The following CTCF variants were observed in gnomAD, a reference collection of about 807,000 sequenced individuals.
CTCF encodes the protein transcriptional repressor CTCF.
CTCF carries 7 observed loss-of-function variants against 72.3 expected under a neutral mutation model. The ratio of observed to expected loss-of-function variants is 0.10; its 90% confidence interval spans 0.06 to 0.18. The LOEUF is 0.18. Ranked by LOEUF, CTCF falls within the 10% of genes least tolerant of loss-of-function variation. The pLI, the probability that CTCF is intolerant of heterozygous loss-of-function variation, is 1.00. For synonymous variants in CTCF, 374 were observed against 315.8 expected, an observed-to-expected ratio of 1.18 and a Z score of -1.95; for missense variants, 516 against 949.1, an observed-to-expected ratio of 0.54 and a Z score of 6.00.
intron 2 of CTCF, among the ~76,000 whole-genome samples, chr16:67,584,644 A>T (rs1317892336): frequency 4.6e-5 from 7 of 150,858 alleles, no homozygotes; most frequent in Non-Finnish European, 7.4e-5. Flanking sequence ...TTTTTTTTTT[A>T]AACTGTAAAG....
At chr16:67,592,764 C>T (rs1052934118) in intron 2 of CTCF, among the ~76,000 whole-genome samples, 1 of 151,172 alleles carries the variant, frequency 6.6e-6, no homozygotes, top group Admixed American at 6.6e-5. Flanking sequence ...ACTGGCTCAA[C>T]GTCAGTAATC....
chr16:67,576,454 C>T (rs1343499089), intron 2 of CTCF, among the ~76,000 whole-genome samples: 3 of 146,042 alleles, frequency 2.1e-5, no homozygotes, highest in African/African-American at 5.1e-5. Flanking sequence ...TACTTTTTTT[C>T]TTTTCTTAGA....
At chr16:67,583,684 C>T (rs1361316570) in intron 2 of CTCF, among the ~76,000 whole-genome samples, 1 of 148,034 alleles carries the variant, frequency 6.8e-6, no homozygotes, top group Non-Finnish European at 1.5e-5. Context: ...GAGTTTTGGT[C>T]TCAAAAAAAA....
At chr16:67,571,344 T>C (rs1201206104) in intron 2 of CTCF, 80 bp downstream of exon 2, 1 of 152,582 alleles carries the variant, frequency 6.6e-6, no homozygotes, top group East Asian at 1.9e-4. Flanking sequence ...TGTTGGCTAA[T>C]TCTTGAATAT....
intron 2 of CTCF, among the ~76,000 whole-genome samples, chr16:67,590,991 C>T (rs985735358): frequency 1.5e-5 from 2 of 130,640 alleles, no homozygotes; most frequent in Admixed American, 8.0e-5. Context: ...AAATGCTGGA[C>T]TGGGTGGCTC....
chr16:67,575,021 T>C (rs1296074710), intron 2 of CTCF, among the ~76,000 whole-genome samples: 2 of 152,224 alleles, frequency 1.3e-5, no homozygotes, highest in South Asian at 4.1e-4. Flanking sequence ...ATATTGCTCT[T>C]AACATAAGTG....
intron 4 of CTCF, among the ~76,000 whole-genome samples, chr16:67,613,202 T>C (rs1048058719): frequency 1.3e-5 from 2 of 152,228 alleles, no homozygotes; most frequent in Admixed American, 6.5e-5. Context: ...GTGTAGGAAG[T>C]TGGTTGCAAG....
In CTCF at chr16:67,621,288, A is replaced by G; in HGVS notation, c.1208-154A>G. On this transcript the variant is annotated intron_variant, in intron 6 of 11. Coordinates refer to ENST00000264010, the MANE Select transcript of CTCF (RefSeq NM_006565.4). Reference sequence around the variant, plus strand: ...GTTTAGGACTTGGCCATATCTGAAGATAGACAAGATCCGGGAACTGGGACT... The same window carrying G: ...GTTTAGGACTTGGCCATATCTGAAGGTAGACAAGATCCGGGAACTGGGACT... The G allele has an allele frequency of 5.1e-6, 3 of 589,112 alleles. No homozygotes were observed. The East Asian group carries it at 8.3e-5, about 16-fold the overall frequency. The allele number at this position is 589,112 out of a possible 1,614,324, so 36.5% of individuals were successfully genotyped here.
chr16:67,595,421 A>G (rs993560389), intron 2 of CTCF, among the ~76,000 whole-genome samples: 2 of 152,192 alleles, frequency 1.3e-5, no homozygotes, highest in Admixed American at 6.6e-5. Context: ...GAAATCCAGT[A>G]CTTTATCAGA....
intron 1 of CTCF, among the ~76,000 whole-genome samples, chr16:67,568,842 CTCTT>C (rs1008167915): frequency 1.9e-4 from 26 of 140,428 alleles, no homozygotes; most frequent in African/African-American, 8.0e-4. Flanking sequence ...TATTTGGAAA[CTCTT>C]TTTTTTTTTG....
intron 2 of CTCF, among the ~76,000 whole-genome samples, chr16:67,594,500 A>C (rs2051786194): frequency 6.6e-6 from 1 of 152,066 alleles, no homozygotes. Context: ...CAGGGGTTCG[A>C]GAACAGCCTG....
At chr16:67,637,607 G>A (rs1425247398) in intron 11 of CTCF, 81 bp from the exon 12 acceptor site, 10 of 1,177,620 alleles carry the variant, frequency 8.5e-6, no homozygotes, top group South Asian at 2.9e-5. Flanking sequence ...CTGACATCCC[G>A]TTCGCTGTCA....
chr16:67,628,405 C>G lies in CTCF; in HGVS notation c.1554C>G (p.Thr518=), dbSNP rs1338729892. The G allele has an allele frequency of 2.5e-6, 4 of 1,614,034 alleles. No individual in the cohort carries two copies. Among genetic ancestry groups the G allele is most frequent in the Non-Finnish European group, 3.4e-6 (4 of 1,180,044 alleles). ...TGATCATGCACAAGCGCACCCACAC[C>G]GGGGAGAAGCCTTACGCCTGCAGCC... is the stretch of plus-strand genomic sequence containing the variant. ...RHMIMHKRTH[T]GEKPYACSHC... The change falls in exon 9 of 12, where the codon ACC becomes ACG. Residue 518 remains threonine, a synonymous_variant. Transcript: ENST00000264010.
chr16:67,595,825 A>G (rs1430647295), intron 2 of CTCF, among the ~76,000 whole-genome samples: 3 of 152,102 alleles, frequency 2.0e-5, no homozygotes, highest in African/African-American at 7.2e-5. Flanking sequence ...CATTTTCTCC[A>G]TATTATGTAT....
At chr16:67,635,132 C>G (rs1462193261) in intron 10 of CTCF, among the ~76,000 whole-genome samples, 2 of 152,042 alleles carry the variant, frequency 1.3e-5, no homozygotes, top group Non-Finnish European at 2.9e-5. Flanking sequence ...AGTGATTCCA[C>G]TGCCTCAGCC....
chr16:67,595,869 CACCAATT>C (rs1256473177), intron 2 of CTCF, among the ~76,000 whole-genome samples: 1 of 152,122 alleles, frequency 6.6e-6, no homozygotes, highest in Non-Finnish European at 1.5e-5. Flanking sequence ...CGATTCACAC[CACCAATT>C]ACCTTCAGTA....
chr16:67,624,945 G>A lies in CTCF; in HGVS notation c.1358-1610G>A, dbSNP rs190946054. 4.3e-3 allele frequency among the ~76,000 whole-genome samples: 649 copies of A among 152,172 alleles called. 3 individuals carry two copies. The highest frequency in any genetic ancestry group is 4.8e-3 in the Non-Finnish European group (328 of 67,988). On this transcript the variant is annotated intron_variant, in intron 7 of 11. Transcript: ENST00000264010. ...GTGTGCTTGTGTGCTTTGTGTGAGA[G>A]ACGGAGTTTCACTCTGTCACCCAGG... is the stretch of plus-strand genomic sequence containing the variant.
At chr16:67,626,856 G>C in intron 8 of CTCF, 141 bp downstream of exon 8, 1 of 519,236 alleles carries the variant, frequency 1.9e-6, no homozygotes, top group Non-Finnish European at 3.0e-6. Flanking sequence ...CAAAATCAAA[G>C]GTCATGCTCC....
intron 2 of CTCF, among the ~76,000 whole-genome samples, chr16:67,576,364 C>T (rs2051496328): frequency 6.6e-6 from 1 of 151,652 alleles, no homozygotes. Flanking sequence ...TCAGTCAAAA[C>T]TAGTAGTGTG....
Sources: allele counts gnomAD v4.1 joint callset (sites outside exome capture counted in the v4.1 genomes callset), GRCh38; gene constraint gnomAD v4.1.1; transcripts MANE v1.5; gene names NCBI Gene and HGNC (gene_info 2026-07-23, HGNC 2026-07-21).